Variants in GSE1 observed in about 807,000 individuals in gnomAD.
The protein encoded by GSE1 is genetic suppressor element 1.
Under a neutral mutation model 112.6 loss-of-function variants are expected in GSE1, and 32 were observed. The observed-to-expected ratio is 0.28, with a 90% confidence interval of 0.21 to 0.38. The LOEUF (loss-of-function observed/expected upper bound fraction) is 0.38. Ranked by LOEUF, GSE1 falls within the 10% of genes least tolerant of loss-of-function variation. GSE1 has a pLI of 1.00. For missense variants in GSE1, 2,348 were observed against 1,699.2 expected (o/e 1.38, Z -6.71); for synonymous variants, 1,115 against 735.6 (o/e 1.52, Z -8.35).
intron 2 of GSE1, among the ~76,000 whole-genome samples, chr16:85,547,039 T>C (rs1295848748): frequency 6.6e-6 from 1 of 152,104 alleles, no homozygotes; most frequent in Non-Finnish European, 1.5e-5. Flanking sequence ...GTGAGTTTTG[T>C]GGAGGGCGGG....
chr16:85,519,920 C>G (rs141621760), intron 2 of GSE1, among the ~76,000 whole-genome samples: 23 of 152,318 alleles, frequency 1.5e-4, no homozygotes, highest in African/African-American at 5.3e-4. Flanking sequence ...GCACCTTTCT[C>G]TCATGCCCTC....
At chr16:85,617,352 C>G (rs575575328) in intron 1 of GSE1, among the ~76,000 whole-genome samples, 5 of 152,286 alleles carry the variant, frequency 3.3e-5, no homozygotes, top group East Asian at 1.9e-4. Context: ...TTCACCTGCA[C>G]CTACCAGTCA....
chr16:85,254,742 T>C (rs1906880475), intron 1 of GSE1, among the ~76,000 whole-genome samples: 1 of 152,168 alleles, frequency 6.6e-6, no homozygotes, highest in Non-Finnish European at 1.5e-5. Context: ...CCAGACGTTA[T>C]GGTCAGGAAA....
chr16:85,657,785 G>A lies in GSE1; in HGVS notation c.1640+181G>A, dbSNP rs1004155055. 5.9e-5 allele frequency among the ~76,000 whole-genome samples: 9 copies of A among 152,198 alleles called. 1 individual carries two copies. The highest frequency in any genetic ancestry group is 2.6e-4 in the Admixed American group (4 of 15,284). On this transcript the variant is annotated intron_variant, in intron 8 of 15. Transcript: ENST00000253458. Reference sequence around the variant, plus strand: ...TTGCCTATGGGGAAGCTGAGACTGAGGAAGAAAATGGATTGCTCAAAGGTA... The same window carrying A: ...TTGCCTATGGGGAAGCTGAGACTGAAGAAGAAAATGGATTGCTCAAAGGTA...
chr16:85,591,847 T>G (rs934386610), intron 1 of GSE1, among the ~76,000 whole-genome samples: 1 of 152,236 alleles, frequency 6.6e-6, no homozygotes, highest in African/African-American at 2.4e-5. Context: ...GAGCTGACTT[T>G]CCGGAGCAGC....
At chr16:85,331,681 GTGTGTATA>G (rs368966273) in intron 1 of GSE1, among the ~76,000 whole-genome samples, 1,374 of 48,022 alleles carry the variant, frequency 0.029, 85 homozygotes, top group African/African-American at 0.078. Context: ...GTGTGTGTGT[GTGTGTATA>G]TATATATATA....
At chr16:85,184,404 C>G (rs1207031121) in intron 1 of GSE1, among the ~76,000 whole-genome samples, 1 of 152,184 alleles carries the variant, frequency 6.6e-6, no homozygotes, top group Non-Finnish European at 1.5e-5. Flanking sequence ...CATGTTTTCC[C>G]TCAGGATGTG....
chr16:85,641,869 A>T (rs959069478), intron 2 of GSE1, among the ~76,000 whole-genome samples: 2 of 152,174 alleles, frequency 1.3e-5, no homozygotes, highest in Non-Finnish European at 2.9e-5. Flanking sequence ...AAGGGGCTGG[A>T]CCTCCTCTGG....
chr16:85,196,671 C>T (rs1204166858), intron 1 of GSE1, among the ~76,000 whole-genome samples: 3 of 152,094 alleles, frequency 2.0e-5, no homozygotes, highest in African/African-American at 7.2e-5. Flanking sequence ...CTGCCCTGAC[C>T]TTGAGCAGCT....
chr16:85,439,534 T>TCA (rs66487058), intron 2 of GSE1, among the ~76,000 whole-genome samples: 6,287 of 149,800 alleles, frequency 0.042, 418 homozygotes, highest in African/African-American at 0.14. Context: ...ACACGGTCTG[T>TCA]CACACACACA....
intron 2 of GSE1, among the ~76,000 whole-genome samples, chr16:85,639,986 C>T (rs915260567): frequency 3.9e-5 from 6 of 152,188 alleles, no homozygotes; most frequent in South Asian, 2.1e-4. Flanking sequence ...TGGGGGCGAT[C>T]GTGCTGCGGG....
chr16:85,671,266 C>G (rs1489458257), intron 15 of GSE1, among the ~76,000 whole-genome samples, 168 bp downstream of exon 15: 7 of 151,772 alleles, frequency 4.6e-5, no homozygotes, highest in African/African-American at 1.5e-4. Context: ...CGGTGAAACC[C>G]TGTCTCTACT....
rs1336338033 is a variant in GSE1 at position 85,357,612 on chromosome 16, G to T, written c.2433G>T (p.Arg811=). 3.9e-6 allele frequency: 5 copies of T among 1,288,914 alleles called. No homozygotes were observed. In the Admixed American group the frequency reaches 1.1e-4, roughly 30 times the overall value. The allele number at this position is 1,288,914 out of a possible 1,614,324, so 79.8% of individuals were successfully genotyped here. A position where few individuals can be genotyped will look rare whatever the true frequency, so the allele number is the denominator to read the frequency against. Residue 811 remains arginine (R), a synonymous_variant, in exon 2 of 3, where the codon CGG becomes CGT. Coordinates refer to the GSE1 transcript ENST00000637419. ...CAGCACAGTGTCTGCAGAGCAGCCG[G>T]GAGGAGGACGGACCAGACCTTACTG...
intron 8 of GSE1, among the ~76,000 whole-genome samples, chr16:85,660,339 G>A (rs2052328173): frequency 6.6e-6 from 1 of 152,324 alleles, no homozygotes; most frequent in Middle Eastern, 3.4e-3. Flanking sequence ...GCACACACCT[G>A]CCGCAGGTGT....
intron 2 of GSE1, among the ~76,000 whole-genome samples, chr16:85,404,875 C>G (rs2048238324): frequency 2.3e-5 from 1 of 42,922 alleles, no homozygotes; most frequent in African/African-American, 1.5e-4. Context: ...GGATAATCCT[C>G]ACTGTTGCAC....
At chr16:85,551,400 G>A (rs1246226119), upstream of GSE1, among the ~76,000 whole-genome samples, 1 of 152,178 alleles carries the variant, frequency 6.6e-6, no homozygotes, top group Non-Finnish European at 1.5e-5. Context: ...AGAGGCAGGG[G>A]TGCTGCAGCT....
chr16:85,408,056 TCAGGGCACCTG>T (rs1178967655), intron 2 of GSE1, among the ~76,000 whole-genome samples: 2 of 45,364 alleles, frequency 4.4e-5, no homozygotes, highest in African/African-American at 1.1e-4. Context: ...CCTGTTACTC[TCAGGGCACCTG>T]GATAATCCTC....
At chr16:85,477,329 C>T (rs781725232) in intron 2 of GSE1, among the ~76,000 whole-genome samples, 2 of 152,130 alleles carry the variant, frequency 1.3e-5, no homozygotes, top group African/African-American at 2.4e-5. Flanking sequence ...TCCGAATATG[C>T]GTTTTGTTTA....
chr16:85,337,095 C>T (rs138269304), intron 1 of GSE1, among the ~76,000 whole-genome samples: 47 of 152,270 alleles, frequency 3.1e-4, no homozygotes, highest in South Asian at 1.2e-3. Context: ...GAGGGGCTGG[C>T]GACAGAGTGC....
Sources: allele counts gnomAD v4.1 joint callset (sites outside exome capture counted in the v4.1 genomes callset), GRCh38; gene constraint gnomAD v4.1.1; transcripts MANE v1.5; gene names NCBI Gene and HGNC (gene_info 2026-07-23, HGNC 2026-07-21).